Variants in MAP3K1 observed in about 807,000 individuals in gnomAD.
MAP3K1 encodes MAP/ERK kinase kinase 1.
A neutral mutation model predicts 144.2 loss-of-function variants in MAP3K1; 36 were observed. The observed-to-expected ratio is 0.25, with a 90% confidence interval of 0.19 to 0.33. The LOEUF (loss-of-function observed/expected upper bound fraction) is 0.33. MAP3K1 is among the 10% of genes least tolerant of loss of function. The pLI, the probability that MAP3K1 is intolerant of heterozygous loss-of-function variation, is 1.00. For synonymous variants in MAP3K1, 718 were observed against 688.7 expected (o/e 1.04, Z -0.67); for missense variants, 1,650 against 1,881.9 (o/e 0.88, Z 2.28).
chr5:56,888,013 C>T, intron 18 of MAP3K1: 1 of 586,118 alleles, frequency 1.7e-6, no homozygotes, highest in South Asian at 2.0e-5. Context: ...TGTGATGGGA[C>T]TCTGCTTCAG....
intron 1 of MAP3K1, among the ~76,000 whole-genome samples, chr5:56,844,183 GTTTTTT>G (rs770169813): frequency 5.3e-5 from 4 of 76,092 alleles, no homozygotes; most frequent in Admixed American, 2.0e-4. Context: ...GTTTTTTTTG[GTTTTTT>G]TTTTTTTTTT....
At position 56,873,067 on chromosome 5, in the gene MAP3K1, T is replaced by C. The variant is rs1747908362; in HGVS notation, c.1686+62T>C. 2.2e-5 allele frequency: 31 copies of C among 1,436,834 alleles called. 1 individual carries two copies. The South Asian group carries it at 3.6e-4, about 17-fold the overall frequency. 89.0% of individuals were successfully genotyped at this position (1,436,834 alleles called of 1,614,324 possible). ...ATTTATAGATCAATTAATGTATTTGTCTCCTTCCCTCAGTTGTTCATAATT... is the reference window on the plus strand; with the variant it reads ...ATTTATAGATCAATTAATGTATTTGCCTCCTTCCCTCAGTTGTTCATAATT... On this transcript the variant is annotated intron_variant, in intron 9 of 19. Transcript: ENST00000399503.
intron 6 of MAP3K1, among the ~76,000 whole-genome samples, chr5:56,870,385 G>A (rs1579765949): frequency 1.3e-5 from 2 of 152,230 alleles, no homozygotes; most frequent in Admixed American, 1.3e-4. Flanking sequence ...GATTTTAAAA[G>A]CCATCCCTCA....
chr5:56,815,748 C>T lies in MAP3K1; in HGVS notation c.175C>T (p.Arg59Trp), dbSNP rs749840532. The change falls in exon 1 of 20, where the codon CGG becomes TGG. Residue 59 changes from arginine to tryptophan, a missense_variant. By Grantham distance (101) the Arg-to-Trp change is moderately radical (BLOSUM62 -3). This residue lies in a region of MAP3K1 where 360 missense variants were observed against 274.7 expected (regional missense o/e 1.31). Coordinates refer to ENST00000399503, the MANE Select transcript of MAP3K1 (RefSeq NM_005921.2). ...GGGCCGCGAGCGGGCGGACTGGCGG[C>T]GGCGGCAGCTGCGCAAAGTGCGGAG... ...SGGRERADWR[R>W]RQLRKVRSVE... 131 of 1,365,384 alleles carry T rather than the reference C, an allele frequency of 9.6e-5. 2 individuals carry two copies. In the South Asian group the frequency reaches 1.1e-3, roughly 11 times the overall value. 84.6% of individuals were successfully genotyped at this position (1,365,384 alleles called of 1,614,324 possible).
In MAP3K1 at chr5:56,849,074, C is replaced by G. The variant is rs973968863; in HGVS notation, c.483-7526C>G. On this transcript the variant is annotated intron_variant, in intron 1 of 19. Transcript: ENST00000399503. ...CTATAAAACTGATTTCAACCGGGTG[C>G]AGTGGCTCATGCCTGTAATTCTAGC... 2.0e-5 allele frequency among the ~76,000 whole-genome samples: 3 copies of G among 152,292 alleles called. No individual in the cohort carries two copies. The East Asian group carries it at 5.8e-4, about 29-fold the overall frequency.
intron 1 of MAP3K1, 117 bp from the exon 2 acceptor site, chr5:56,856,483 T>C (rs1298942272): frequency 6.8e-6 from 6 of 880,582 alleles, no homozygotes; most frequent in Non-Finnish European, 9.0e-6. Flanking sequence ...TTAGCAGTTA[T>C]CTTTTTTATT....
chr5:56,867,845 G>A (rs1031930810), intron 6 of MAP3K1, among the ~76,000 whole-genome samples: 2 of 152,148 alleles, frequency 1.3e-5, no homozygotes, highest in Admixed American at 1.3e-4. Context: ...AGTAGAAACA[G>A]TTTAAATATC....
At chr5:56,816,956 C>T (rs1745995411) in intron 1 of MAP3K1, 2 of 382,124 alleles carry the variant, frequency 5.2e-6, no homozygotes, top group African/African-American at 2.2e-5. Flanking sequence ...GGTGACTGCT[C>T]CCCGCAGCCC....
rs180964459 is a variant in MAP3K1, at chr5:56,859,452, G to C, written c.634-263G>C. 2.0e-4 allele frequency among the ~76,000 whole-genome samples: 31 copies of C among 152,200 alleles called. No individual in the cohort carries two copies. In the East Asian group the frequency reaches 6.0e-3, roughly 29 times the overall value. On this transcript the variant is annotated intron_variant, in intron 2 of 19. Transcript: ENST00000399503. The stretch of plus-strand genomic sequence containing the variant: ...AATAACAAATAATACCATTTCTACA[G>C]TTTTGTATGCATTACAAAATTGTAA...
intron 1 of MAP3K1, among the ~76,000 whole-genome samples, chr5:56,849,972 G>A (rs1224296542): frequency 6.6e-6 from 1 of 152,182 alleles, no homozygotes; most frequent in East Asian, 1.9e-4. Context: ...GTAAAATGGA[G>A]TAGTAAGAGC....
chr5:56,878,871 T>C, intron 10 of MAP3K1, 109 bp from the exon 11 acceptor site: 1 of 898,628 alleles, frequency 1.1e-6, no homozygotes, highest in Admixed American at 1.9e-5. Flanking sequence ...CTATGGGTTA[T>C]AATCCATTCC....
At chr5:56,884,567 T>C (rs1280877508) in intron 15 of MAP3K1, 97 bp from the exon 16 acceptor site, 5 of 1,118,460 alleles carry the variant, frequency 4.5e-6, no homozygotes, top group Non-Finnish European at 6.7e-6. Context: ...ATAAATGCCA[T>C]CTGTTGCTAA....
intron 1 of MAP3K1, among the ~76,000 whole-genome samples, chr5:56,827,769 C>T (rs1344218989): frequency 6.6e-6 from 1 of 151,886 alleles, no homozygotes; most frequent in African/African-American, 2.4e-5. Flanking sequence ...GAGGCTGAGG[C>T]AGGAGAATCA....
At chr5:56,890,855 TG>T (rs1446976013) in intron 19 of MAP3K1, among the ~76,000 whole-genome samples, 6 of 150,436 alleles carry the variant, frequency 4.0e-5, no homozygotes, top group African/African-American at 1.5e-4. Context: ...GAGAGCAGCC[TG>T]GGCATAGCGA....
At chr5:56,853,488 T>C (rs1747239863) in intron 1 of MAP3K1, among the ~76,000 whole-genome samples, 1 of 152,192 alleles carries the variant, frequency 6.6e-6, no homozygotes, top group South Asian at 2.1e-4. Flanking sequence ...TATATGTTCA[T>C]ACTTATTATG....
At chr5:56,816,240 C>T (rs1291939909) in intron 1 of MAP3K1, among the ~76,000 whole-genome samples, 185 bp downstream of exon 1, 1 of 152,004 alleles carries the variant, frequency 6.6e-6, no homozygotes, top group African/African-American at 2.4e-5. Context: ...CGGACCCAGC[C>T]TGGGGGACCG....
intron 19 of MAP3K1, 34 bp from the exon 20 acceptor site, chr5:56,893,497 G>A: frequency 1.9e-6 from 3 of 1,611,996 alleles, no homozygotes; most frequent in Non-Finnish European, 2.5e-6. Context: ...AGTTACAGTT[G>A]TGCAAAGCTT....
intron 2 of MAP3K1, among the ~76,000 whole-genome samples, chr5:56,859,501 G>A (rs1310478307): frequency 6.6e-6 from 1 of 152,068 alleles, no homozygotes; most frequent in Admixed American, 6.5e-5. Context: ...GTTTTAACTA[G>A]TGTTAAATCC....
chr5:56,851,540 CCTGT>C (rs1465272107), intron 1 of MAP3K1, among the ~76,000 whole-genome samples: 4 of 152,154 alleles, frequency 2.6e-5, no homozygotes, highest in African/African-American at 9.7e-5. Flanking sequence ...CTTCTGCATC[CCTGT>C]CTTTCTTCTA....
Sources: allele counts gnomAD v4.1 joint callset (sites outside exome capture counted in the v4.1 genomes callset), GRCh38; gene constraint gnomAD v4.1.1; regional missense constraint gnomAD v4.1.1; transcripts MANE v1.5; gene names NCBI Gene and HGNC (gene_info 2026-07-23, HGNC 2026-07-21).